FNDC7: variants seen among roughly 807,000 people sequenced by gnomAD.
FNDC7 encodes the protein fibronectin type III domain-containing protein 7.
FNDC7 carries 66 observed loss-of-function variants against 74.2 expected under a neutral mutation model. The observed-to-expected ratio is 0.89, with a 90% CI of 0.73 to 1.09. The LOEUF (loss-of-function observed/expected upper bound fraction) is 1.09. FNDC7 is among the 50% of genes least tolerant of loss of function. The pLI is 0.00. For synonymous variants in FNDC7, 307 were observed against 330.2 expected, an observed-to-expected ratio of 0.93 and a Z score of 0.76; for missense variants, 829 against 893.4, an observed-to-expected ratio of 0.93 and a Z score of 0.92.
Position 108,722,496 on chromosome 1 carries a change from T to A in FNDC7, c.760T>A (p.Ser254Thr), listed in dbSNP as rs774720946. The change falls in exon 5 of 13, where the codon TCT (serine) becomes ACT (threonine). Residue 254 changes from serine (S) to threonine (T), a missense_variant. Coordinates refer to ENST00000370017, the MANE Select transcript of FNDC7 (RefSeq NM_001144937.3). ...TACAACTTTCAGTTCCTGCACCATCTCTTCCCTCCAGTGTGGAACTGAATA... is the reference window on the plus strand; with the variant it reads ...TACAACTTTCAGTTCCTGCACCATCACTTCCCTCCAGTGTGGAACTGAATA... Reference protein sequence around the residue: ...CSTTFSSCTISSLQCGTEYLI... With the variant: ...CSTTFSSCTITSLQCGTEYLI... The A allele has an allele frequency of 6.2e-7, 1 of 1,614,216 alleles. No homozygotes were observed. The highest frequency in any genetic ancestry group is 8.5e-7 in the Non-Finnish European group (1 of 1,180,038).
At chr1:108,728,199 C>T in intron 7 of FNDC7, 134 bp downstream of exon 7, 4 of 1,149,476 alleles carry the variant, frequency 3.5e-6, no homozygotes, top group South Asian at 3.0e-5. Context: ...ACCAAGAGAG[C>T]CCCCGTTGTA....
rs1346978637 is a variant in FNDC7, at chr1:108,730,726, C to T, written c.1677C>T (p.Ile559=). The change falls in exon 9 of 13, where the codon ATC becomes ATT. Residue 559 remains isoleucine, a synonymous_variant. Transcript: ENST00000370017. ...LTVTQITQSV[I]NVSWTIGRVA... ...TAACTCAAATCACCCAGTCAGTAAT[C>T]AACGTGAGCTGGACTATTGGGAGAG... 1.9e-6 allele frequency: 3 copies of T among 1,609,406 alleles called. No individual in the cohort carries two copies. Among genetic ancestry groups the T allele is most frequent in the Admixed American group, 3.4e-5 (2 of 59,484 alleles).
intron 8 of FNDC7, 71 bp downstream of exon 8, chr1:108,728,957 T>G (rs2101084913): frequency 6.4e-7 from 1 of 1,558,290 alleles, no homozygotes; most frequent in East Asian, 2.3e-5. Flanking sequence ...GACATGAACT[T>G]CCTTATTTAA....
At position 108,730,712 on chromosome 1, in the gene FNDC7, AC is replaced by A; in HGVS notation, c.1666del (p.Gln556SerfsTer3). The A allele has an allele frequency of 6.2e-7, 1 of 1,602,612 alleles. No individual in the cohort carries two copies. The highest frequency in any genetic ancestry group is 8.5e-7 in the Non-Finnish European group (1 of 1,172,558). ...CPTGLTVTQI[T>X]QSVINVSWTI... ...AACCGGTCTGACAGTAACTCAAATCACCCAGTCAGTAATCAACGTGAGCTGG... is the reference window on the plus strand; with the variant it reads ...AACCGGTCTGACAGTAACTCAAATCACCAGTCAGTAATCAACGTGAGCTGG... On this transcript the variant is annotated frameshift_variant, in exon 9 of 13. Coordinates refer to ENST00000370017, the MANE Select transcript of FNDC7 (RefSeq NM_001144937.3). LOFTEE classifies it high-confidence loss of function.
At chr1:108,719,434 G>C (rs1478368143) in intron 4 of FNDC7, among the ~76,000 whole-genome samples, 1 of 152,226 alleles carries the variant, frequency 6.6e-6, no homozygotes, top group African/African-American at 2.4e-5. Context: ...TTGTTCAGCA[G>C]ATACTGAGTG....
In FNDC7 at chr1:108,718,941, T is replaced by G; in HGVS notation, c.490T>G (p.Ser164Ala). Residue 164 changes from serine (S) to alanine (A), a missense_variant, in exon 4 of 13, where the codon TCC becomes GCC. Physicochemically the swap from Ser to Ala is moderately conservative, Grantham distance 99. Transcript: ENST00000370017. The part of the protein sequence containing the change: ...SIWKENTTNT[S>A]LTFTSLEAGT... ...ATGGAAAGAGAATACTACAAACACC[T>G]CCTTGACATTCACCAGTTTAGAAGC... 6.4e-7 allele frequency: 1 copy of G among 1,551,736 alleles called. No individual in the cohort carries two copies. Among genetic ancestry groups the G allele is most frequent in the Non-Finnish European group, 8.7e-7 (1 of 1,147,022 alleles).
intron 3 of FNDC7, among the ~76,000 whole-genome samples, chr1:108,718,585 G>A (rs780820056): frequency 2.6e-5 from 4 of 152,086 alleles, no homozygotes; most frequent in South Asian, 2.1e-4. Flanking sequence ...GATATTTAGC[G>A]TTTCTCTGTT....
rs1308190465 is a variant in FNDC7, at chr1:108,725,837, A to G, written c.944A>G (p.Tyr315Cys). The change falls in exon 6 of 13, where the codon TAC becomes TGC. Residue 315 changes from tyrosine (Y) to cysteine (C), a missense_variant. Tyr to Cys is a radical substitution (Grantham distance 194, BLOSUM62 -2). Coordinates refer to ENST00000370017, the MANE Select transcript of FNDC7 (RefSeq NM_001144937.3). ...VAWSSVDLGD[Y>C]YVVFVKSDDG... ...TGGTCCAGTGTAGATCTGGGTGACTACTATGTGGTCTTTGTGAAGAGTGAT... is the reference window on the plus strand; with the variant it reads ...TGGTCCAGTGTAGATCTGGGTGACTGCTATGTGGTCTTTGTGAAGAGTGAT... The G allele has an allele frequency of 1.4e-6, 2 of 1,425,170 alleles. No individual in the cohort carries two copies. Among genetic ancestry groups the G allele is most frequent in the Admixed American group, 4.4e-5 (2 of 45,856 alleles). 88.3% of individuals were successfully genotyped at this position (1,425,170 alleles called of 1,614,324 possible).
At chr1:108,730,619 A>G in intron 8 of FNDC7, 55 bp from the exon 9 acceptor site, 2 of 1,494,874 alleles carry the variant, frequency 1.3e-6, no homozygotes, top group South Asian at 2.7e-5. Flanking sequence ...CATTTTTCAC[A>G]AATAATCTTC....
rs1018672967 is a variant in FNDC7 at position 108,726,402 on chromosome 1, G to A, written c.1111+398G>A. Reference sequence around the variant, plus strand: ...GCCAAGACGCTACATGGTGTGGAGGGCTTTGGAGTAGGACACCTGGGTTTA... The same window carrying A: ...GCCAAGACGCTACATGGTGTGGAGGACTTTGGAGTAGGACACCTGGGTTTA... On this transcript the variant is annotated intron_variant, in intron 6 of 12. Transcript: ENST00000370017. Among the ~76,000 whole-genome samples the A allele has an allele frequency of 2.6e-5, 4 of 152,320 alleles. No homozygotes were observed. The South Asian group carries it at 8.3e-4, about 32-fold the overall frequency.
intron 11 of FNDC7, among the ~76,000 whole-genome samples, 153 bp from the exon 12 acceptor site, chr1:108,741,620 G>T (rs1478300058): frequency 6.6e-6 from 1 of 152,188 alleles, no homozygotes; most frequent in Non-Finnish European, 1.5e-5. Flanking sequence ...CACTTTGTCA[G>T]TTGTCATAGT....
At chr1:108,739,477 C>T (rs1337939975) in intron 11 of FNDC7, among the ~76,000 whole-genome samples, 1 of 152,196 alleles carries the variant, frequency 6.6e-6, no homozygotes, top group Non-Finnish European at 1.5e-5. Context: ...CACTGCGCTC[C>T]AGCCTGGGTG....
At chr1:108,737,439 A>G (rs948982135) in intron 10 of FNDC7, 56 bp from the exon 11 acceptor site, 2 of 1,441,280 alleles carry the variant, frequency 1.4e-6, no homozygotes, top group African/African-American at 1.5e-5. Flanking sequence ...AATCTTCACT[A>G]TCTTAAATAC....
At chr1:108,737,922 G>A (rs1438508588) in intron 11 of FNDC7, among the ~76,000 whole-genome samples, 2 of 152,238 alleles carry the variant, frequency 1.3e-5, no homozygotes, top group Non-Finnish European at 2.9e-5. Context: ...TCTGGGGTGA[G>A]AGCTGGGCAT....
intron 1 of FNDC7, 96 bp from the exon 2 acceptor site, chr1:108,713,415 G>A (rs1258375257): frequency 9.6e-7 from 1 of 1,037,712 alleles, no homozygotes; most frequent in Non-Finnish European, 1.5e-6. Flanking sequence ...ATGTAAAAAT[G>A]TTGTGATTAA....
Position 108,730,881 on chromosome 1 carries a change from G to A in FNDC7, c.1832G>A (p.Ser611Asn), listed in dbSNP as rs571021394. ...INYTVTLKAI[S>N]ATGLTADCSY... ...TACACAGTGACATTAAAAGCAATTAGTGCCACCGGGTTGACTGCAGATTGC... is the reference window on the plus strand; with the variant it reads ...TACACAGTGACATTAAAAGCAATTAATGCCACCGGGTTGACTGCAGATTGC... Residue 611 changes from serine (S) to asparagine (N), a missense_variant, in exon 9 of 13, where the codon AGT becomes AAT. By Grantham distance (46) the Ser-to-Asn change is conservative. Coordinates refer to ENST00000370017, the MANE Select transcript of FNDC7 (RefSeq NM_001144937.3). 121 of 1,613,598 alleles carry A rather than the reference G, an allele frequency of 7.5e-5. No individual in the cohort carries two copies. Among genetic ancestry groups the A allele is most frequent in the Non-Finnish European group, 9.9e-5 (117 of 1,179,810 alleles).
chr1:108,727,753 C>T (rs923292143), intron 6 of FNDC7, 55 bp from the exon 7 acceptor site: 40 of 1,593,328 alleles, frequency 2.5e-5, no homozygotes, highest in Non-Finnish European at 3.2e-5. Flanking sequence ...ACAGTGTACC[C>T]CCAGCTGCAT....
intron 10 of FNDC7, 93 bp from the exon 11 acceptor site, chr1:108,737,402 A>T: frequency 2.5e-6 from 3 of 1,214,450 alleles, no homozygotes; most frequent in Admixed American, 2.5e-5. Flanking sequence ...TTTTTGGTTT[A>T]CTTTCCTTTT....
At chr1:108,713,065 C>A in intron 1 of FNDC7, 69 bp downstream of exon 1, 5 of 1,191,886 alleles carry the variant, frequency 4.2e-6, no homozygotes, top group South Asian at 3.3e-5. Context: ...TTTTTCTCTC[C>A]TTTTTTTTTT....
Sources: gnomAD v4.1 joint callset for allele counts (sites outside exome capture counted in the v4.1 genomes callset) on GRCh38, gnomAD v4.1.1 for gene constraint, MANE v1.5 for transcripts, NCBI Gene and HGNC (gene_info 2026-07-23, HGNC 2026-07-21) for gene names.